The following PID1 variants were observed in gnomAD, a reference collection of about 807,000 sequenced individuals.
The protein encoded by PID1 is phosphotyrosine interaction domain containing 1, also known as PTB-containing, cubilin and LRP1-interacting protein.
In PID1, 10 loss-of-function variants were observed where a neutral mutation model predicts 19.1. That is an observed-to-expected ratio of 0.52 (90% CI 0.32 to 0.89). The LOEUF (loss-of-function observed/expected upper bound fraction) is 0.89. Ranked by LOEUF, PID1 falls within the 40% of genes least tolerant of loss-of-function variation. The pLI is 0.03. For missense variants in PID1, 248 were observed against 285.3 expected, an observed-to-expected ratio of 0.87 and a Z score of 0.94; for synonymous variants, 130 against 116.0, an observed-to-expected ratio of 1.12 and a Z score of -0.78.
chr2:229,267,204 T>C (rs1041237717), intron 1 of PID1, among the ~76,000 whole-genome samples: 12 of 152,284 alleles, frequency 7.9e-5, no homozygotes, highest in African/African-American at 2.9e-4. Flanking sequence ...AGAAAGCTTT[T>C]TCAGGATCTG....
chr2:229,201,656 C>T (rs574687490), intron 1 of PID1, among the ~76,000 whole-genome samples: 2 of 152,090 alleles, frequency 1.3e-5, no homozygotes, highest in East Asian at 1.9e-4. Flanking sequence ...GTGAAATTGC[C>T]GGATCATATG....
At chr2:229,184,356 C>A (rs1167263595) in intron 1 of PID1, among the ~76,000 whole-genome samples, 1 of 108,270 alleles carries the variant, frequency 9.2e-6, no homozygotes, top group African/African-American at 3.6e-5. Context: ...ATATATATAT[C>A]ACACATATAT....
chr2:229,058,536 A>G (rs1306937528), intron 2 of PID1, among the ~76,000 whole-genome samples: 3 of 152,206 alleles, frequency 2.0e-5, no homozygotes, highest in Non-Finnish European at 4.4e-5. Flanking sequence ...GCTGGCATGC[A>G]TCATATATTC....
chr2:229,233,902 T>C (rs1316719219), intron 1 of PID1, among the ~76,000 whole-genome samples: 1 of 152,230 alleles, frequency 6.6e-6, no homozygotes, highest in East Asian at 1.9e-4. Context: ...CAAACATTTA[T>C]TATTTACAAC....
intron 1 of PID1, among the ~76,000 whole-genome samples, chr2:229,171,700 T>G (rs1320417915): frequency 6.6e-6 from 1 of 152,226 alleles, no homozygotes; most frequent in Non-Finnish European, 1.5e-5. Context: ...AAATGTATAT[T>G]TGATTAATAA....
At chr2:229,032,575 T>G (rs950567415) in intron 2 of PID1, among the ~76,000 whole-genome samples, 1 of 152,188 alleles carries the variant, frequency 6.6e-6, no homozygotes, top group African/African-American at 2.4e-5. Flanking sequence ...CTTTGAGCCT[T>G]CACCACCCAG....
rs549136609 is a variant in PID1 at position 229,208,510 on chromosome 2, T to G, written c.31-52546A>C. On this transcript the variant is annotated intron_variant, in intron 1 of 2. Coordinates refer to ENST00000392055, the MANE Select transcript of PID1 (RefSeq NM_001100818.2). ...GAATAGGGATTATGAAACATATTCA[T>G]GCAAAAGGCAGCCACATTTTTATGC... Among the ~76,000 whole-genome samples, 7 of 152,200 alleles carry G rather than the reference T, an allele frequency of 4.6e-5. No homozygotes were observed. In the South Asian group the frequency reaches 1.4e-3, roughly 31 times the overall value.
chr2:229,242,346 T>C (rs779865629), intron 1 of PID1, among the ~76,000 whole-genome samples: 21 of 152,168 alleles, frequency 1.4e-4, no homozygotes, highest in Non-Finnish European at 2.6e-4. Context: ...AAGAACTGCA[T>C]GTCCACAAGC....
chr2:229,140,412 T>C (rs1171180447), intron 2 of PID1, among the ~76,000 whole-genome samples: 1 of 152,038 alleles, frequency 6.6e-6, no homozygotes, highest in Non-Finnish European at 1.5e-5. Flanking sequence ...AAGTTATGGA[T>C]TACAAATCTG....
chr2:229,054,289 A>C lies in PID1; in HGVS notation c.178-28181T>G, dbSNP rs538710940. ...GAGAGATCTGCGTAAAGCTTGGCTG[A>C]AGGAAGAATTGTGCAAATGTAGAGT... is the stretch of plus-strand genomic sequence containing the variant. On this transcript the variant is annotated intron_variant, in intron 2 of 2. Transcript: ENST00000392055. 5.3e-5 allele frequency among the ~76,000 whole-genome samples: 8 copies of C among 152,318 alleles called. No homozygotes were observed. The South Asian group carries it at 1.7e-3, about 32-fold the overall frequency.
chr2:229,068,207 G>A (rs1032813257), intron 2 of PID1, among the ~76,000 whole-genome samples: 3 of 152,206 alleles, frequency 2.0e-5, no homozygotes, highest in Admixed American at 6.5e-5. Flanking sequence ...TGAGAAGGGA[G>A]CTGTGCTTGA....
chr2:229,166,629 G>A (rs1289870321), intron 1 of PID1, among the ~76,000 whole-genome samples: 1 of 152,084 alleles, frequency 6.6e-6, no homozygotes, highest in Non-Finnish European at 1.5e-5. Context: ...GACTCTACAT[G>A]ATTTTAATCT....
chr2:229,182,021 T>G (rs1481516933), intron 1 of PID1, among the ~76,000 whole-genome samples: 1 of 152,102 alleles, frequency 6.6e-6, no homozygotes, highest in Non-Finnish European at 1.5e-5. Flanking sequence ...ATGGAGACAG[T>G]ATAAAGATTA....
intron 2 of PID1, among the ~76,000 whole-genome samples, chr2:229,043,006 G>T (rs1693803288): frequency 7.8e-6 from 1 of 128,262 alleles, no homozygotes; most frequent in African/African-American, 2.8e-5. Context: ...GAGAAAGGGA[G>T]AAATTTTTTT....
intron 2 of PID1, among the ~76,000 whole-genome samples, chr2:229,116,579 G>A (rs548784064): frequency 3.9e-5 from 6 of 152,248 alleles, no homozygotes; most frequent in Admixed American, 1.3e-4. Context: ...TAAGTCTCAT[G>A]AGATCTGATG....
intron 1 of PID1, chr2:229,228,158 T>C (rs982908169): frequency 1.2e-5 from 5 of 425,268 alleles, no homozygotes; most frequent in African/African-American, 8.1e-5. Context: ...GGGATCTTTG[T>C]GGAGCAAATA....
chr2:229,025,336 C>CA lies in PID1; in HGVS notation c.*295dup, dbSNP rs1693388898. 2 of 368,164 alleles carry CA rather than the reference C, an allele frequency of 5.4e-6. No homozygotes were observed. The highest frequency in any genetic ancestry group is 1.0e-5 in the Non-Finnish European group (2 of 198,802). 22.8% of individuals were successfully genotyped at this position (368,164 alleles called of 1,614,324 possible). A position where few individuals can be genotyped will look rare whatever the true frequency, so the allele number is the denominator to read the frequency against. ...TTTGCCTGAGCGTGGTGAAAACTGG[C>CA]ATGGAGCTCTCCCACAGAGAGGCAT... is the stretch of plus-strand genomic sequence containing the variant. On this transcript the variant is annotated 3_prime_UTR_variant, in exon 3 of 3. Coordinates refer to ENST00000392055, the MANE Select transcript of PID1 (RefSeq NM_001100818.2).
chr2:229,163,680 T>C (rs142370284), intron 1 of PID1, among the ~76,000 whole-genome samples: 4,853 of 103,562 alleles, frequency 0.047, 205 homozygotes, highest in African/African-American at 0.11. Flanking sequence ...TGTGTGCGTG[T>C]GCGTGTGTGT....
At chr2:229,027,836 A>C (rs2160644) in intron 2 of PID1, among the ~76,000 whole-genome samples, 15,974 of 152,260 alleles carry the variant, frequency 0.1, 1,094 homozygotes, top group East Asian at 0.33. Flanking sequence ...CCTCTGGATA[A>C]AAATAGGCTG....
Sources: gnomAD v4.1 joint callset for allele counts (sites outside exome capture counted in the v4.1 genomes callset) on GRCh38, gnomAD v4.1.1 for gene constraint, MANE v1.5 for transcripts, NCBI Gene and HGNC (gene_info 2026-07-23, HGNC 2026-07-21) for gene names.